The following MIER1 variants were observed in gnomAD, a reference collection of about 807,000 sequenced individuals.
The protein encoded by MIER1 is mesoderm induction early response protein 1.
MIER1 carries 40 observed loss-of-function variants against 75.7 expected under a neutral mutation model. That is an observed-to-expected ratio of 0.53 (90% CI 0.41 to 0.69). The LOEUF is 0.69. MIER1 is among the 30% of genes least tolerant of loss of function. The pLI is 0.00. For synonymous variants in MIER1, 213 were observed against 223.4 expected (o/e 0.95, Z 0.42); for missense variants, 574 against 680.2 (o/e 0.84, Z 1.74).
chr1:66,941,596 C>T (rs932043407), intron 3 of MIER1, among the ~76,000 whole-genome samples: 14 of 152,080 alleles, frequency 9.2e-5, no homozygotes, highest in Admixed American at 7.2e-4. Context: ...ACTCAGAAAG[C>T]GATATTAGTA....
intron 4 of MIER1, chr1:66,946,726 G>T (rs1657740175): frequency 1.0e-6 from 1 of 985,762 alleles, no homozygotes; most frequent in Non-Finnish European, 1.2e-6. Context: ...AAGTGCTCTA[G>T]ATTATCTCCA....
intron 2 of MIER1, chr1:66,930,158 C>T (rs1257726557): frequency 1.3e-5 from 16 of 1,234,008 alleles, no homozygotes; most frequent in Non-Finnish European, 1.5e-5. Context: ...CCTGCTCCGG[C>T]GCGTGCTCGC....
chr1:66,986,668 C>G lies in MIER1; in HGVS notation c.*1768C>G. The G allele has an allele frequency of 1.9e-6, 1 of 515,192 alleles. No homozygotes were observed. The allele number at this position is 515,192 out of a possible 1,614,324, so 31.9% of individuals were successfully genotyped here. The stretch of plus-strand genomic sequence containing the variant: ...AAAGCCACTTTGCAACACTTGACTT[C>G]ATCTTAATGTACATTCACTGTTGTT... On this transcript the variant is annotated 3_prime_UTR_variant, in exon 14 of 14. Transcript: ENST00000401041.
chr1:66,986,387 TG>T lies in MIER1; in HGVS notation c.*1488del. On this transcript the variant is annotated 3_prime_UTR_variant, in exon 14 of 14. Transcript: ENST00000401041. ...ACTTTTATAAAATATTAATTATTCT[TG>T]TTTTTCTCACACAGGCATACTCCAA... The T allele has an allele frequency of 6.2e-7, 1 of 1,609,516 alleles. No homozygotes were observed. Among genetic ancestry groups the T allele is most frequent in the Non-Finnish European group, 8.5e-7 (1 of 1,177,976 alleles).
chr1:66,956,175 A>G (rs1182417756), intron 4 of MIER1, among the ~76,000 whole-genome samples: 3 of 152,194 alleles, frequency 2.0e-5, no homozygotes, highest in African/African-American at 7.2e-5. Flanking sequence ...CCAATCCTAC[A>G]TTTTGGGAAG....
intron 2 of MIER1, among the ~76,000 whole-genome samples, chr1:66,936,426 T>A (rs1358846587): frequency 6.6e-6 from 1 of 151,860 alleles, no homozygotes; most frequent in East Asian, 1.9e-4. Context: ...AGAGACAGCG[T>A]TTTGCCATGT....
chr1:66,963,219 C>A, intron 8 of MIER1, 59 bp downstream of exon 8: 1 of 1,061,440 alleles, frequency 9.4e-7, no homozygotes, highest in Non-Finnish European at 1.5e-6. Flanking sequence ...TGAACTGTTA[C>A]TTTATATGTA....
chr1:66,970,895 G>C lies in MIER1; in HGVS notation c.860G>C (p.Arg287Thr), dbSNP rs942419880. The change falls in exon 9 of 14, where the codon AGA becomes ACA. Residue 287 changes from arginine to threonine, a missense_variant. By Grantham distance (71) the Arg-to-Thr change is moderately conservative (BLOSUM62 -1). Transcript: ENST00000401041. Reference sequence around the variant, plus strand: ...ATATTTCTTAAAGATGCATCTAGAAGAACAGGTGATGAGAAGGGTGTAGAA... The same window carrying C: ...ATATTTCTTAAAGATGCATCTAGAACAACAGGTGATGAGAAGGGTGTAGAA... ...VIIFLKDASRRTGDEKGVEAI... is the reference protein window; with the variant it reads ...VIIFLKDASRTTGDEKGVEAI... 1.9e-6 allele frequency: 3 copies of C among 1,601,834 alleles called. No homozygotes were observed. Among genetic ancestry groups the C allele is most frequent in the Non-Finnish European group, 2.6e-6 (3 of 1,176,026 alleles).
At position 66,959,003 on chromosome 1, in the gene MIER1, A is replaced by G. The variant is rs1328925754; in HGVS notation, c.634+20A>G. On this transcript the variant is annotated intron_variant, in intron 6 of 13. Coordinates refer to ENST00000401041, the MANE Select transcript of MIER1 (RefSeq NM_001077700.3). ...ATACAAGTAAGTGTTACTGGTTGAT[A>G]ATATTTGAATATAATTTTTACTATT... The G allele has an allele frequency of 3.1e-6, 5 of 1,598,576 alleles. No homozygotes were observed. Among genetic ancestry groups the G allele is most frequent in the South Asian group, 1.1e-5 (1 of 89,394 alleles).
At chr1:66,935,234 AAG>A (rs1182600343) in intron 2 of MIER1, among the ~76,000 whole-genome samples, 1 of 152,216 alleles carries the variant, frequency 6.6e-6, no homozygotes, top group East Asian at 1.9e-4. Flanking sequence ...AAAAATATAA[AAG>A]AGAATTATTT....
intron 8 of MIER1, among the ~76,000 whole-genome samples, chr1:66,965,596 G>A (rs1309458268): frequency 1.3e-5 from 2 of 152,178 alleles, no homozygotes; most frequent in East Asian, 1.9e-4. Context: ...GGCATGCAGT[G>A]TGTAACAACC....
intron 4 of MIER1, among the ~76,000 whole-genome samples, chr1:66,948,568 T>C (rs928873522): frequency 6.6e-6 from 1 of 152,202 alleles, no homozygotes; most frequent in African/African-American, 2.4e-5. Flanking sequence ...GTATATTGGC[T>C]ATCACAAAAG....
intron 2 of MIER1, among the ~76,000 whole-genome samples, chr1:66,926,778 T>C (rs1473909815): frequency 2.0e-5 from 3 of 152,182 alleles, no homozygotes; most frequent in Non-Finnish European, 4.4e-5. Context: ...AATTGTTAGA[T>C]ATAGAATTTT....
intron 2 of MIER1, chr1:66,932,956 AT>A (rs1232083663): frequency 2.0e-5 from 3 of 152,132 alleles, no homozygotes; most frequent in Non-Finnish European, 4.4e-5. Flanking sequence ...GGATATACTA[AT>A]TTTTTATATT....
At chr1:66,941,369 T>G (rs1326674743) in intron 3 of MIER1, among the ~76,000 whole-genome samples, 3 of 152,242 alleles carry the variant, frequency 2.0e-5, no homozygotes, top group African/African-American at 7.2e-5. Flanking sequence ...GGGAGTAATC[T>G]GGTCTTAGAT....
intron 3 of MIER1, among the ~76,000 whole-genome samples, chr1:66,940,554 G>A (rs1655981911): frequency 6.6e-6 from 1 of 152,092 alleles, no homozygotes; most frequent in South Asian, 2.1e-4. Flanking sequence ...GATTTGAATA[G>A]GATCAAGTTT....
rs146450831 is a variant in MIER1 at position 66,983,050 on chromosome 1, A to G, written c.1369+1132A>G. Reference sequence around the variant, plus strand: ...ATTTTCTTTTCCTTTTTAAGAAACTATTTGATGAGAACATGCTGTTAGGCT... The same window carrying G: ...ATTTTCTTTTCCTTTTTAAGAAACTGTTTGATGAGAACATGCTGTTAGGCT... On this transcript the variant is annotated intron_variant, in intron 13 of 13. Coordinates refer to ENST00000401041, the MANE Select transcript of MIER1 (RefSeq NM_001077700.3). Among the ~76,000 whole-genome samples, 17 of 152,320 alleles carry G rather than the reference A, an allele frequency of 1.1e-4. No homozygotes were observed. The East Asian group carries it at 1.9e-3, about 17-fold the overall frequency.
chr1:66,954,325 A>G (rs1280312729), intron 4 of MIER1, among the ~76,000 whole-genome samples: 3 of 152,244 alleles, frequency 2.0e-5, no homozygotes, highest in South Asian at 4.1e-4. Flanking sequence ...AGTCAGGAGT[A>G]TAACAGAAGC....
intron 11 of MIER1, among the ~76,000 whole-genome samples, chr1:66,975,289 G>A (rs1664476598): frequency 6.6e-6 from 1 of 152,162 alleles, no homozygotes; most frequent in African/African-American, 2.4e-5. Flanking sequence ...TACTTTGGGA[G>A]GTTGAAGCAT....
Sources: gnomAD v4.1 joint callset for allele counts (sites outside exome capture counted in the v4.1 genomes callset) on GRCh38, gnomAD v4.1.1 for gene constraint, MANE v1.5 for transcripts, NCBI Gene and HGNC (gene_info 2026-07-23, HGNC 2026-07-21) for gene names.